The following ZFPM2 variants were observed in gnomAD, a reference collection of about 807,000 sequenced individuals.
The protein encoded by ZFPM2 is zinc finger protein ZFPM2.
In ZFPM2, 20 loss-of-function variants were observed where a neutral mutation model predicts 98.6. The observed-to-expected ratio is 0.20, with a 90% CI of 0.14 to 0.29. The LOEUF is 0.29. Ranked by LOEUF, ZFPM2 falls within the 10% of genes least tolerant of loss-of-function variation. ZFPM2 has a pLI of 1.00. For missense variants in ZFPM2, 1,310 were observed against 1,388.6 expected, an observed-to-expected ratio of 0.94 and a Z score of 0.90; for synonymous variants, 518 against 502.7, an observed-to-expected ratio of 1.03 and a Z score of -0.41.
At position 105,779,871 on chromosome 8, in the gene ZFPM2, G is replaced by A. The variant is rs572121435; in HGVS notation, c.533-8847G>A. Among the ~76,000 whole-genome samples, 9 of 152,242 alleles carry A rather than the reference G, an allele frequency of 5.9e-5. 1 individual carries two copies. Among genetic ancestry groups the A allele is most frequent in the Admixed American group, 3.3e-4 (5 of 15,298 alleles). ...AAGGCCACTGCTTCTAGTAACAGGC[G>A]CATGAATTTCCAAAATATAATCGAG... On this transcript the variant is annotated intron_variant, in intron 5 of 7. Transcript: ENST00000407775.
intron 2 of ZFPM2, among the ~76,000 whole-genome samples, chr8:105,419,595 T>G (rs1216581210): frequency 1.3e-5 from 2 of 151,778 alleles, no homozygotes; most frequent in Non-Finnish European, 2.9e-5. Flanking sequence ...TGATCATTTA[T>G]TCATTCATTC....
chr8:105,536,367 A>G (rs1814450675), intron 3 of ZFPM2, among the ~76,000 whole-genome samples: 1 of 151,966 alleles, frequency 6.6e-6, no homozygotes, highest in Admixed American at 6.6e-5. Flanking sequence ...ATTTAAGTAA[A>G]TTTTTAATGT....
chr8:105,607,434 C>G (rs1451345232), intron 4 of ZFPM2, among the ~76,000 whole-genome samples: 1 of 152,042 alleles, frequency 6.6e-6, no homozygotes, highest in Non-Finnish European at 1.5e-5. Context: ...AACACCCCCT[C>G]TCACTTTCAC....
In ZFPM2 at chr8:105,415,202, G is replaced by A. The variant is rs1283715114; in HGVS notation, c.41-3942G>A. 2.0e-5 allele frequency among the ~76,000 whole-genome samples: 3 copies of A among 152,182 alleles called. No individual in the cohort carries two copies. The East Asian group carries it at 5.8e-4, about 29-fold the overall frequency. ...CAACCAGTATAGAATATGAGAAGAT[G>A]CTTACTCATTTATTCTGAGAGACAA... is the stretch of plus-strand genomic sequence containing the variant. On this transcript the variant is annotated intron_variant, in intron 1 of 7. Transcript: ENST00000407775.
intron 5 of ZFPM2, among the ~76,000 whole-genome samples, chr8:105,728,291 T>C (rs1248974520): frequency 6.6e-6 from 1 of 151,650 alleles, no homozygotes; most frequent in East Asian, 2.0e-4. Flanking sequence ...TAAATGTCTG[T>C]ATCAATCAGA....
intron 3 of ZFPM2, among the ~76,000 whole-genome samples, chr8:105,553,912 G>A (rs1814923484): frequency 6.6e-6 from 1 of 151,988 alleles, no homozygotes; most frequent in Non-Finnish European, 1.5e-5. Context: ...ATTTCATTTA[G>A]TGACAACTTC....
chr8:105,714,145 T>C (rs1432376361), intron 5 of ZFPM2, among the ~76,000 whole-genome samples: 1 of 152,092 alleles, frequency 6.6e-6, no homozygotes, highest in Non-Finnish European at 1.5e-5. Context: ...CAGCAGTGTT[T>C]ATAATTCTCC....
chr8:105,386,910 C>T (rs533068686), intron 1 of ZFPM2, among the ~76,000 whole-genome samples: 1 of 152,266 alleles, frequency 6.6e-6, no homozygotes, highest in Non-Finnish European at 1.5e-5. Flanking sequence ...CAAAAGTTCT[C>T]CACGTCCCCA....
chr8:105,590,122 A>C (rs1018984623), intron 4 of ZFPM2, among the ~76,000 whole-genome samples: 5 of 151,948 alleles, frequency 3.3e-5, no homozygotes, highest in South Asian at 2.1e-4. Flanking sequence ...CACCTTTATT[A>C]TTCTGCCTGG....
intron 4 of ZFPM2, among the ~76,000 whole-genome samples, chr8:105,580,510 A>G (rs1217484558): frequency 6.6e-6 from 1 of 152,026 alleles, no homozygotes; most frequent in Non-Finnish European, 1.5e-5. Context: ...TTGATGATGG[A>G]ACCAGTTTGA....
chr8:105,331,498 G>C (rs1456623877), intron 1 of ZFPM2, among the ~76,000 whole-genome samples: 1 of 151,650 alleles, frequency 6.6e-6, no homozygotes, highest in African/African-American at 2.4e-5. Context: ...ACTGTGGTTA[G>C]TACCAATGTA....
chr8:105,775,430 A>G (rs1813083267), intron 5 of ZFPM2, among the ~76,000 whole-genome samples: 1 of 152,182 alleles, frequency 6.6e-6, no homozygotes, highest in Admixed American at 6.6e-5. Flanking sequence ...CAGATTATTC[A>G]TAAGCTTACA....
intron 1 of ZFPM2, among the ~76,000 whole-genome samples, chr8:105,319,195 A>C (rs1811970546): frequency 6.6e-6 from 1 of 152,114 alleles, no homozygotes; most frequent in South Asian, 2.1e-4. Context: ...AGAGGCTGCG[A>C]GGAGCAGCCC....
chr8:105,481,031 T>G (rs1350351464), intron 3 of ZFPM2, among the ~76,000 whole-genome samples: 1 of 152,230 alleles, frequency 6.6e-6, no homozygotes, highest in African/African-American at 2.4e-5. Flanking sequence ...ATTACAGGCG[T>G]GAGCCACCAT....
intron 4 of ZFPM2, among the ~76,000 whole-genome samples, chr8:105,574,038 A>T (rs1390495169): frequency 6.6e-6 from 1 of 152,198 alleles, no homozygotes; most frequent in African/African-American, 2.4e-5. Context: ...GATTCCTTTT[A>T]TTATGCCTGT....
chr8:105,410,767 T>G (rs1586352650), intron 1 of ZFPM2, among the ~76,000 whole-genome samples: 1 of 152,072 alleles, frequency 6.6e-6, no homozygotes, highest in Non-Finnish European at 1.5e-5. Context: ...TAGATTTTGA[T>G]TAATTCATTT....
At chr8:105,442,564 G>A (rs1718027545) in intron 2 of ZFPM2, among the ~76,000 whole-genome samples, 1 of 152,054 alleles carries the variant, frequency 6.6e-6, no homozygotes. Context: ...AGTTCTGAAA[G>A]GAAAAATATT....
chr8:105,709,913 A>G (rs1201330865), intron 5 of ZFPM2, among the ~76,000 whole-genome samples: 1 of 152,164 alleles, frequency 6.6e-6, no homozygotes, highest in Non-Finnish European at 1.5e-5. Context: ...ACATCTAAGC[A>G]TTGCACAAGG....
intron 3 of ZFPM2, among the ~76,000 whole-genome samples, chr8:105,516,956 C>T (rs766327534): frequency 2.0e-5 from 3 of 152,194 alleles, no homozygotes; most frequent in Non-Finnish European, 2.9e-5. Flanking sequence ...ATAGCTCTTG[C>T]TCTAACCATA....
Sources: gnomAD v4.1 joint callset for allele counts (sites outside exome capture counted in the v4.1 genomes callset) on GRCh38, gnomAD v4.1.1 for gene constraint, MANE v1.5 for transcripts, NCBI Gene and HGNC (gene_info 2026-07-23, HGNC 2026-07-21) for gene names.